Variants in DENND1A observed in about 807,000 individuals in gnomAD.
DENND1A encodes the protein DENN domain-containing protein 1A.
In DENND1A, 51 loss-of-function variants were observed where a neutral mutation model predicts 113.7. The observed-to-expected ratio is 0.45, with a 90% CI of 0.36 to 0.57. The LOEUF is 0.57. DENND1A is among the 20% of genes least tolerant of loss of function. The probability of loss-of-function intolerance (pLI) is 0.00; values close to 1 mark genes in which losing one functional copy is unlikely to be tolerated. For missense variants in DENND1A, 1,258 were observed against 1,395.9 expected (o/e 0.90, Z 1.57); for synonymous variants, 565 against 570.8 (o/e 0.99, Z 0.14).
chr9:123,709,947 A>G (rs538225606), intron 5 of DENND1A, among the ~76,000 whole-genome samples: 8 of 152,370 alleles, frequency 5.3e-5, no homozygotes, highest in Non-Finnish European at 1.0e-4. Flanking sequence ...TCACAACTCA[A>G]TGAATTAAGA....
Position 123,454,798 on chromosome 9 carries a change from G to A in DENND1A, c.1187-19C>T. On this transcript the variant is annotated intron_variant, in intron 15 of 23. Transcript: ENST00000394215. ...TCACTGCCTGGGGAAAGAGAATTCA[G>A]AGAAGCTGTCACTTAAAGAGGTGAT... 1 of 1,552,576 alleles carries A rather than the reference G, an allele frequency of 6.4e-7. No individual in the cohort carries two copies. The highest frequency in any genetic ancestry group is 8.7e-7 in the Non-Finnish European group (1 of 1,147,130).
chr9:123,615,229 C>G lies in DENND1A; in HGVS notation c.720-5748G>C, dbSNP rs545644236. Among the ~76,000 whole-genome samples the G allele has an allele frequency of 5.3e-5, 8 of 152,316 alleles. No homozygotes were observed. In the South Asian group the frequency reaches 1.7e-3, roughly 32 times the overall value. ...CCTCATTAGATTCTCACCATAGCAGCATAAGGAGGGTGCTATCAGAACTAC... is the reference window on the plus strand; with the variant it reads ...CCTCATTAGATTCTCACCATAGCAGGATAAGGAGGGTGCTATCAGAACTAC... On this transcript the variant is annotated intron_variant, in intron 10 of 23. Transcript: ENST00000394215.
At chr9:123,399,384 G>A (rs1470023656) in intron 21 of DENND1A, among the ~76,000 whole-genome samples, 1 of 151,964 alleles carries the variant, frequency 6.6e-6, no homozygotes, top group Non-Finnish European at 1.5e-5. Flanking sequence ...TTTATTTTTT[G>A]AGATAGGGTC....
intron 13 of DENND1A, among the ~76,000 whole-genome samples, chr9:123,508,981 C>T (rs1174981015): frequency 1.3e-5 from 2 of 152,088 alleles, no homozygotes; most frequent in African/African-American, 2.4e-5. Context: ...TGCACATGTA[C>T]GTCACCATAC....
chr9:123,605,891 T>C (rs1341600314), intron 11 of DENND1A, among the ~76,000 whole-genome samples: 1 of 152,250 alleles, frequency 6.6e-6, no homozygotes, highest in Non-Finnish European at 1.5e-5. Context: ...TTTAAAAAAT[T>C]CTGGCACATA....
chr9:123,477,239 G>C (rs1181956411), intron 13 of DENND1A, among the ~76,000 whole-genome samples: 1 of 152,192 alleles, frequency 6.6e-6, no homozygotes, highest in Non-Finnish European at 1.5e-5. Flanking sequence ...GATGGGTGTA[G>C]ATTAAATATG....
At chr9:123,679,715 C>T (rs781742047) in intron 5 of DENND1A, among the ~76,000 whole-genome samples, 14 of 152,304 alleles carry the variant, frequency 9.2e-5, no homozygotes, top group Admixed American at 3.9e-4. Context: ...TCATTAGAGC[C>T]GCCACAACAG....
intron 2 of DENND1A, among the ~76,000 whole-genome samples, chr9:123,858,069 A>AAAAAAAAAG (rs1564400351): frequency 2.0e-5 from 3 of 151,832 alleles, no homozygotes; most frequent in Non-Finnish European, 4.4e-5. Flanking sequence ...AAAAAAAAAA[A>AAAAAAAAAG]AAAAAAAGAA....
At chr9:123,418,649 G>T (rs947552860) in intron 19 of DENND1A, among the ~76,000 whole-genome samples, 4 of 152,210 alleles carry the variant, frequency 2.6e-5, no homozygotes, top group African/African-American at 4.8e-5. Flanking sequence ...GAGCCAGCCT[G>T]CCTGTGCTGT....
chr9:123,693,709 A>G (rs1257961318), intron 5 of DENND1A, among the ~76,000 whole-genome samples: 1 of 151,948 alleles, frequency 6.6e-6, no homozygotes, highest in Admixed American at 6.6e-5. Context: ...CCATGGTGCT[A>G]GCTGCCACTC....
chr9:123,578,865 T>C (rs2058750131), intron 12 of DENND1A, among the ~76,000 whole-genome samples: 1 of 152,060 alleles, frequency 6.6e-6, no homozygotes, highest in African/African-American at 2.4e-5. Flanking sequence ...TGTGCATGTG[T>C]TTGTGTGTGT....
chr9:123,711,486 A>AAATATATATATATATATGTATATATGT (rs1318894625), intron 5 of DENND1A, among the ~76,000 whole-genome samples: 3 of 101,768 alleles, frequency 2.9e-5, no homozygotes, highest in African/African-American at 1.1e-4. Context: ...TAAATTAAAA[A>AAATATATATATATATATGTATATATGT]ATATATATAT....
intron 5 of DENND1A, among the ~76,000 whole-genome samples, chr9:123,711,138 A>G (rs2066558756): frequency 6.6e-6 from 1 of 152,110 alleles, no homozygotes. Context: ...CTCATGCTAC[A>G]CAGTATAAAT....
At chr9:123,892,912 G>T (rs1429038493) in intron 1 of DENND1A, among the ~76,000 whole-genome samples, 2 of 152,116 alleles carry the variant, frequency 1.3e-5, no homozygotes, top group South Asian at 2.1e-4. Context: ...AACCTGAGAG[G>T]CAGGGGTTGC....
intron 3 of DENND1A, among the ~76,000 whole-genome samples, chr9:123,785,224 G>A (rs1054117903): frequency 1.3e-5 from 2 of 151,958 alleles, no homozygotes; most frequent in African/African-American, 2.4e-5. Flanking sequence ...TACACACCCC[G>A]AAGTCCCAGC....
intron 10 of DENND1A, among the ~76,000 whole-genome samples, chr9:123,627,148 A>G (rs1416899189): frequency 6.6e-6 from 1 of 152,002 alleles, no homozygotes; most frequent in Non-Finnish European, 1.5e-5. Flanking sequence ...AGGCAGCACC[A>G]CTCTCTAGCA....
At chr9:123,903,516 C>T (rs556828241) in intron 1 of DENND1A, among the ~76,000 whole-genome samples, 1 of 152,144 alleles carries the variant, frequency 6.6e-6, no homozygotes, top group South Asian at 2.1e-4. Context: ...TGGGTGCGGG[C>T]ACCGTGCACG....
intron 5 of DENND1A, among the ~76,000 whole-genome samples, chr9:123,723,758 C>G (rs1207929388): frequency 6.6e-6 from 1 of 152,172 alleles, no homozygotes; most frequent in Non-Finnish European, 1.5e-5. Flanking sequence ...CATTAAACCT[C>G]TTTTACTTCC....
At position 123,392,108 on chromosome 9, in the gene DENND1A, C is replaced by T. The variant is rs188667668; in HGVS notation, c.1632-4250G>A. ...GCGCGCGTGTGACAGTGGTGACAGG[C>T]GAGGCTGTTCCTTTTTAAATACCAT... On this transcript the variant is annotated intron_variant, in intron 21 of 23. Transcript: ENST00000394215. Among the ~76,000 whole-genome samples the T allele has an allele frequency of 3.9e-5, 6 of 152,238 alleles. No homozygotes were observed. In the East Asian group the frequency reaches 1.2e-3, roughly 29 times the overall value.
Sources: gnomAD v4.1 joint callset for allele counts (sites outside exome capture counted in the v4.1 genomes callset) on GRCh38, gnomAD v4.1.1 for gene constraint, MANE v1.5 for transcripts, NCBI Gene and HGNC (gene_info 2026-07-23, HGNC 2026-07-21) for gene names.